The following CEP57L1 variants were observed in gnomAD, a reference collection of about 807,000 sequenced individuals.
CEP57L1 encodes the protein centrosomal protein CEP57L1.
CEP57L1 carries 37 observed loss-of-function variants against 61.0 expected under a neutral mutation model. The observed-to-expected ratio is 0.61, with a 90% confidence interval of 0.47 to 0.80. The LOEUF (loss-of-function observed/expected upper bound fraction) is 0.80, where lower values mean the gene tolerates loss of function less well. CEP57L1 is among the 30% of genes least tolerant of loss of function. The pLI, the probability that CEP57L1 is intolerant of heterozygous loss-of-function variation, is 0.00. For synonymous variants in CEP57L1, 137 were observed against 162.3 expected (o/e 0.84, Z 1.19); for missense variants, 422 against 524.7 (o/e 0.80, Z 1.91).
Position 109,171,649 on chromosome 6 carries a change from G to A in CEP57L1, c.*8679G>A, listed in dbSNP as rs569966846. ...CACTAAAAGATTAAAGCATTTAGGA[G>A]TTTATATGCAAAGAAGTCTTGCAAG... On this transcript the variant is annotated 3_prime_UTR_variant, in exon 11 of 11. Coordinates refer to ENST00000517392, the MANE Select transcript of CEP57L1 (RefSeq NM_001271852.3). Among the ~76,000 whole-genome samples, 374 of 152,278 alleles carry A rather than the reference G, an allele frequency of 2.5e-3. 1 individual carries two copies. The highest frequency in any genetic ancestry group is 8.6e-3 in the African/African-American group (358 of 41,548).
chr6:109,095,380 C>T (rs1162432140), upstream of CEP57L1: 5 of 985,792 alleles, frequency 5.1e-6, no homozygotes, highest in East Asian at 3.4e-4. Context: ...GTGACGGCCT[C>T]TTCATTACTC....
chr6:109,109,668 C>A (rs1771349140), intron 1 of CEP57L1, among the ~76,000 whole-genome samples: 1 of 152,170 alleles, frequency 6.6e-6, no homozygotes, highest in South Asian at 2.1e-4. Context: ...TTAGGTATTT[C>A]TCCTAATGCT....
chr6:109,168,044 A>G lies in CEP57L1; in HGVS notation c.*5074A>G, dbSNP rs1774215151. 1.3e-5 allele frequency among the ~76,000 whole-genome samples: 2 copies of G among 152,226 alleles called. No individual in the cohort carries two copies. The highest frequency in any genetic ancestry group is 4.8e-5 in the African/African-American group (2 of 41,458). On this transcript the variant is annotated 3_prime_UTR_variant, in exon 11 of 11. Coordinates refer to ENST00000517392, the MANE Select transcript of CEP57L1 (RefSeq NM_001271852.3). ...ACAACCACAGAGCAGATGCTCAAATATTTATTTGCCTACTAAATGTTTGTT... is the reference window on the plus strand; with the variant it reads ...ACAACCACAGAGCAGATGCTCAAATGTTTATTTGCCTACTAAATGTTTGTT...
intron 1 of CEP57L1, among the ~76,000 whole-genome samples, chr6:109,142,946 GCTCTCTCTCTCTCTCTCTCT>G (rs35714375): frequency 0.035 from 1,952 of 55,540 alleles, 72 homozygotes; most frequent in Admixed American, 0.13. Context: ...TGTCTCTCTT[GCTCTCTCTCTCTCTCTCTCT>G]CTCTCTCTCT....
At chr6:109,110,160 A>C (rs193293369) in intron 1 of CEP57L1, among the ~76,000 whole-genome samples, 22 of 152,038 alleles carry the variant, frequency 1.4e-4, no homozygotes, top group Admixed American at 5.9e-4. Flanking sequence ...CCACCAACAG[A>C]GTAGAAGCGT....
chr6:109,117,039 A>G (rs1772385312), intron 1 of CEP57L1, among the ~76,000 whole-genome samples: 3 of 152,222 alleles, frequency 2.0e-5, no homozygotes, highest in Non-Finnish European at 4.4e-5. Flanking sequence ...ACAATATTTT[A>G]ATAATCTGAG....
Position 109,159,060 on chromosome 6 carries a change from A to T in CEP57L1, c.780A>T (p.Gln260His). Residue 260 changes from glutamine to histidine, a missense_variant, in exon 8 of 11, where the codon CAA (glutamine) becomes CAT (histidine). Physicochemically the swap from Gln to His is conservative, Grantham distance 24. Coordinates refer to ENST00000517392, the MANE Select transcript of CEP57L1 (RefSeq NM_001271852.3). Reference protein sequence around the residue: ...TKCIKRRPPWQICSKFGALPF... With the variant: ...TKCIKRRPPWHICSKFGALPF... ...GTATAAAGAGACGACCACCTTGGCA[A>T]ATTTGTTCAAAGTTTGGAGCACTGC... is the stretch of plus-strand genomic sequence containing the variant. The T allele has an allele frequency of 2.5e-6, 4 of 1,613,868 alleles. No individual in the cohort carries two copies. The highest frequency in any genetic ancestry group is 2.5e-6 in the Non-Finnish European group (3 of 1,179,934).
intron 1 of CEP57L1, chr6:109,129,573 T>C (rs1773955371): frequency 8.8e-6 from 4 of 454,486 alleles, no homozygotes; most frequent in South Asian, 6.2e-5. Flanking sequence ...TTTCAACCTG[T>C]TCTCTAGTTT....
At chr6:109,112,838 C>A (rs1213990771) in intron 1 of CEP57L1, among the ~76,000 whole-genome samples, 1 of 152,138 alleles carries the variant, frequency 6.6e-6, no homozygotes, top group African/African-American at 2.4e-5. Context: ...GTTTCTTAAT[C>A]CTGAGTTCTG....
At chr6:109,158,497 A>AT in intron 7 of CEP57L1, 1 of 387,130 alleles carries the variant, frequency 2.6e-6, no homozygotes, top group South Asian at 1.9e-5. Flanking sequence ...TCAAAAAAAA[A>AT]AGGATATTTC....
At chr6:109,125,572 A>G (rs1200826501) in intron 1 of CEP57L1, among the ~76,000 whole-genome samples, 1 of 149,026 alleles carries the variant, frequency 6.7e-6, no homozygotes, top group African/African-American at 2.5e-5. Flanking sequence ...TACTAAGTTT[A>G]CCATCAACCA....
chr6:109,147,588 G>A (rs1772107932), intron 3 of CEP57L1, among the ~76,000 whole-genome samples: 3 of 152,108 alleles, frequency 2.0e-5, no homozygotes, highest in South Asian at 4.1e-4. Context: ...TGAACAAATG[G>A]GGAGAAAAAT....
At chr6:109,099,544 T>TTTTA (rs940811083) in intron 1 of CEP57L1, among the ~76,000 whole-genome samples, 6 of 148,818 alleles carry the variant, frequency 4.0e-5, no homozygotes, top group Non-Finnish European at 8.8e-5. Context: ...ATTTATTTAT[T>TTTTA]TTTATTTATT....
In CEP57L1 at chr6:109,170,892, A is replaced by G. The variant is rs1380485165; in HGVS notation, c.*7922A>G. ...ACCAAGCTACCAATTTAAAGCTGGG[A>G]AAGTCAGTACCAGAGTTAAAAACAA... On this transcript the variant is annotated 3_prime_UTR_variant, in exon 11 of 11. Coordinates refer to ENST00000517392, the MANE Select transcript of CEP57L1 (RefSeq NM_001271852.3). 6.6e-6 allele frequency among the ~76,000 whole-genome samples: 1 copy of G among 152,204 alleles called. No individual in the cohort carries two copies. The highest frequency in any genetic ancestry group is 1.9e-4 in the East Asian group (1 of 5,198).
Position 109,170,576 on chromosome 6 carries a change from T to A in CEP57L1, c.*7606T>A, listed in dbSNP as rs1330578565. 6.6e-6 allele frequency among the ~76,000 whole-genome samples: 1 copy of A among 152,202 alleles called. No individual in the cohort carries two copies. Among genetic ancestry groups the A allele is most frequent in the Non-Finnish European group, 1.5e-5 (1 of 68,030 alleles). ...GAATCTTGCTGAATTGGAAAGTATT[T>A]CACTCTTCATCACTGTAGATCCGTT... On this transcript the variant is annotated 3_prime_UTR_variant, in exon 11 of 11. Coordinates refer to ENST00000517392, the MANE Select transcript of CEP57L1 (RefSeq NM_001271852.3).
chr6:109,154,833 T>A (rs1006626356), intron 5 of CEP57L1, among the ~76,000 whole-genome samples: 1 of 152,076 alleles, frequency 6.6e-6, no homozygotes, highest in Admixed American at 6.6e-5. Flanking sequence ...AGTACACTCT[T>A]ATCACATATA....
At chr6:109,095,195 G>A (rs1781534431), upstream of CEP57L1, 1 of 985,404 alleles carries the variant, frequency 1.0e-6, no homozygotes, top group Non-Finnish European at 1.2e-6. Flanking sequence ...CTTGCGCCCT[G>A]AGGCGGTTTC....
At position 109,162,882 on chromosome 6, in the gene CEP57L1, T is replaced by G. The variant is rs1562154153; in HGVS notation, c.1295T>G (p.Leu432Arg). Reference sequence around the variant, plus strand: ...AGAAAATGTTTGACTGACACTAACCTTTTTCAGAAAAACAGCAGCTTTCAT... The same window carrying G: ...AGAAAATGTTTGACTGACACTAACCGTTTTCAGAAAAACAGCAGCTTTCAT... The part of the protein sequence containing the change: ...SPRKCLTDTN[L>R]FQKNSSFHPI... Residue 432 changes from leucine to arginine, a missense_variant, in exon 11 of 11, where the codon CTT (leucine) becomes CGT (arginine). Physicochemically the swap from Leu to Arg is moderately radical, Grantham distance 102. Coordinates refer to ENST00000517392, the MANE Select transcript of CEP57L1 (RefSeq NM_001271852.3). The G allele has an allele frequency of 6.2e-7, 1 of 1,612,916 alleles. No homozygotes were observed. The highest frequency in any genetic ancestry group is 1.7e-5 in the Admixed American group (1 of 59,982).
chr6:109,138,294 G>A (rs1353316628), intron 1 of CEP57L1, among the ~76,000 whole-genome samples: 2 of 152,144 alleles, frequency 1.3e-5, no homozygotes, highest in African/African-American at 4.8e-5. Flanking sequence ...AGAATAGATT[G>A]CTGAGGAACT....
Sources: gnomAD v4.1 joint callset for allele counts (sites outside exome capture counted in the v4.1 genomes callset) on GRCh38, gnomAD v4.1.1 for gene constraint, MANE v1.5 for transcripts, NCBI Gene and HGNC (gene_info 2026-07-23, HGNC 2026-07-21) for gene names.